The following PDE11A variants were observed in gnomAD, a reference collection of about 807,000 sequenced individuals.
PDE11A encodes the protein phosphodiesterase 11A, also known as dual 3',5'-cyclic-AMP and -GMP phosphodiesterase 11A.
In PDE11A, 100 loss-of-function variants were observed where a neutral mutation model predicts 100.5. That is an observed-to-expected ratio of 1.00 (90% CI 0.85 to 1.18). PDE11A has a LOEUF of 1.18. Ranked by LOEUF, PDE11A falls within the 50% of genes most tolerant of loss-of-function variation. The probability of loss-of-function intolerance (pLI) is 0.00; values close to 1 mark genes in which losing one functional copy is unlikely to be tolerated. For synonymous variants in PDE11A, 381 were observed against 420.8 expected, an observed-to-expected ratio of 0.91 and a Z score of 1.16; for missense variants, 1,141 against 1,152.6, an observed-to-expected ratio of 0.99 and a Z score of 0.15.
At chr2:177,745,147 C>T (rs2081930599) in intron 10 of PDE11A, among the ~76,000 whole-genome samples, 1 of 152,158 alleles carries the variant, frequency 6.6e-6, no homozygotes, top group Non-Finnish European at 1.5e-5. Context: ...AAATACCTTT[C>T]CTTCTTATCC....
At chr2:178,001,430 T>C (rs2105818053) in intron 2 of PDE11A, among the ~76,000 whole-genome samples, 1 of 152,268 alleles carries the variant, frequency 6.6e-6, no homozygotes, top group Middle Eastern at 3.4e-3. Context: ...GAGATCTTTA[T>C]CTGCCTTCAA....
At chr2:177,853,635 C>CAT (rs371434526) in intron 5 of PDE11A, among the ~76,000 whole-genome samples, 30 of 36,188 alleles carry the variant, frequency 8.3e-4, no homozygotes, top group African/African-American at 1.1e-3. Context: ...ACAAGTCCTG[C>CAT]ATATATATAT....
intron 3 of PDE11A, among the ~76,000 whole-genome samples, chr2:177,900,226 CAT>C (rs2084676117): frequency 6.6e-6 from 1 of 152,150 alleles, no homozygotes; most frequent in Non-Finnish European, 1.5e-5. Flanking sequence ...CAGAAAATTA[CAT>C]AGTCAGTGAA....
At chr2:177,785,083 G>A (rs1414966928) in intron 9 of PDE11A, among the ~76,000 whole-genome samples, 1 of 152,158 alleles carries the variant, frequency 6.6e-6, no homozygotes, top group Non-Finnish European at 1.5e-5. Context: ...GAGCATAGGG[G>A]CTTTGTGTCA....
chr2:177,935,746 G>T (rs1463092188), intron 2 of PDE11A, among the ~76,000 whole-genome samples: 2 of 152,140 alleles, frequency 1.3e-5, no homozygotes, highest in African/African-American at 4.8e-5. Context: ...GAAGACCTAG[G>T]TTTAAGGCCC....
intron 2 of PDE11A, among the ~76,000 whole-genome samples, chr2:177,908,609 C>T (rs1468956058): frequency 6.6e-6 from 1 of 152,154 alleles, no homozygotes; most frequent in Non-Finnish European, 1.5e-5. Context: ...GAACTGCTCA[C>T]AGATAGGGGC....
chr2:177,733,057 G>T (rs2081717529), intron 10 of PDE11A, among the ~76,000 whole-genome samples: 1 of 152,188 alleles, frequency 6.6e-6, no homozygotes, highest in African/African-American at 2.4e-5. Context: ...TAGAGACACA[G>T]TGCTCCCCAT....
chr2:177,817,375 T>G (rs904314682), intron 8 of PDE11A, among the ~76,000 whole-genome samples: 4 of 152,184 alleles, frequency 2.6e-5, no homozygotes, highest in African/African-American at 9.7e-5. Flanking sequence ...AAAGAAGCTA[T>G]GAGGTATTCT....
At chr2:177,822,944 A>T (rs2105590921) in intron 6 of PDE11A, among the ~76,000 whole-genome samples, 1 of 152,272 alleles carries the variant, frequency 6.6e-6, no homozygotes, top group Middle Eastern at 3.4e-3. Context: ...ATCTTGCTAC[A>T]TTCAATTATT....
intron 9 of PDE11A, among the ~76,000 whole-genome samples, chr2:177,799,103 A>G (rs980698816): frequency 6.6e-6 from 1 of 152,158 alleles, no homozygotes; most frequent in Admixed American, 6.6e-5. Flanking sequence ...AAAACATTGA[A>G]CAAATTCTAA....
intron 9 of PDE11A, among the ~76,000 whole-genome samples, chr2:177,791,021 G>A (rs549287325): frequency 3.9e-5 from 6 of 152,256 alleles, no homozygotes; most frequent in Non-Finnish European, 8.8e-5. Context: ...ATTTGACCCA[G>A]CCATCCCATT....
intron 2 of PDE11A, among the ~76,000 whole-genome samples, chr2:177,926,615 A>AG (rs78910901): frequency 0.086 from 13,155 of 152,272 alleles, 535 homozygotes; most frequent in South Asian, 0.099. Context: ...AAAGGTTTGA[A>AG]GAAAGGATTG....
chr2:177,679,948 A>AG (rs1207703918), intron 16 of PDE11A, among the ~76,000 whole-genome samples: 1 of 152,094 alleles, frequency 6.6e-6, no homozygotes, highest in Non-Finnish European at 1.5e-5. Context: ...TAAAGCATAG[A>AG]GGAAAAAAAC....
At chr2:177,719,442 A>G (rs1467094535) in intron 12 of PDE11A, among the ~76,000 whole-genome samples, 1 of 152,170 alleles carries the variant, frequency 6.6e-6, no homozygotes, top group African/African-American at 2.4e-5. Flanking sequence ...GGATTGGCTA[A>G]GGTTGAGGGA....
At chr2:177,844,371 C>T (rs2083544495) in intron 5 of PDE11A, among the ~76,000 whole-genome samples, 1 of 152,066 alleles carries the variant, frequency 6.6e-6, no homozygotes, top group South Asian at 2.1e-4. Flanking sequence ...GCTCCACCCC[C>T]ATGACCTAAT....
chr2:178,051,020 C>A (rs1198002294), intron 1 of PDE11A, among the ~76,000 whole-genome samples: 1 of 152,124 alleles, frequency 6.6e-6, no homozygotes, highest in Non-Finnish European at 1.5e-5. Context: ...CACAAAGATA[C>A]TCCTTGAGAA....
At chr2:178,028,033 A>C (rs2086499024) in intron 1 of PDE11A, among the ~76,000 whole-genome samples, 1 of 152,180 alleles carries the variant, frequency 6.6e-6, no homozygotes, top group African/African-American at 2.4e-5. Flanking sequence ...CCAGGTTAGA[A>C]AAAATCAGGC....
At chr2:177,709,512 G>C (rs2081327821) in intron 13 of PDE11A, among the ~76,000 whole-genome samples, 1 of 152,210 alleles carries the variant, frequency 6.6e-6, no homozygotes, top group South Asian at 2.1e-4. Context: ...GTAGGACTTT[G>C]AAGAGGAGGT....
chr2:177,923,913 A>C (rs905690155), intron 2 of PDE11A, among the ~76,000 whole-genome samples: 3 of 152,216 alleles, frequency 2.0e-5, no homozygotes, highest in Non-Finnish European at 4.4e-5. Flanking sequence ...GGCTCAAGCA[A>C]TATGTGTTAA....
Sources: gnomAD v4.1 joint callset for allele counts (sites outside exome capture counted in the v4.1 genomes callset) on GRCh38, gnomAD v4.1.1 for gene constraint, MANE v1.5 for transcripts, NCBI Gene and HGNC (gene_info 2026-07-23, HGNC 2026-07-21) for gene names.